Variants in SLC16A9 observed in about 807,000 individuals in gnomAD.
The protein encoded by SLC16A9 is solute carrier family 16 member 9, also known as monocarboxylate transporter 9.
In SLC16A9, 26 loss-of-function variants were observed where a neutral mutation model predicts 44.3. The ratio of observed to expected loss-of-function variants is 0.59; its 90% CI spans 0.43 to 0.81. The LOEUF is 0.81. SLC16A9 is among the 40% of genes least tolerant of loss of function. The pLI, the probability that SLC16A9 is intolerant of heterozygous loss-of-function variation, is 0.00. For missense variants in SLC16A9, 559 were observed against 595.8 expected, an observed-to-expected ratio of 0.94 and a Z score of 0.64; for synonymous variants, 230 against 225.1, an observed-to-expected ratio of 1.02 and a Z score of -0.19.
chr10:59,694,256 G>A lies in SLC16A9; in HGVS notation c.-36-9929C>T, dbSNP rs546515250. 1.8e-3 allele frequency among the ~76,000 whole-genome samples: 279 copies of A among 152,156 alleles called. 1 individual carries two copies. The highest frequency in any genetic ancestry group is 6.5e-3 in the African/African-American group (270 of 41,536). On this transcript the variant is annotated intron_variant, in intron 1 of 5. Coordinates refer to ENST00000395348, the MANE Select transcript of SLC16A9 (RefSeq NM_194298.3). ...GCCTGGCCTCCAAATAATAATTTTC[G>A]TACAACTGTAAATCCAGTTGTGGTG... is the stretch of plus-strand genomic sequence containing the variant.
intron 1 of SLC16A9, among the ~76,000 whole-genome samples, chr10:59,695,624 C>T (rs971381546): frequency 6.6e-6 from 1 of 152,122 alleles, no homozygotes; most frequent in Non-Finnish European, 1.5e-5. Flanking sequence ...AAATTTCTAA[C>T]CTAGTAACAG....
chr10:59,709,841 C>G lies in SLC16A9; in HGVS notation c.-399G>C, dbSNP rs1487549736. 1 of 152,520 alleles carries G rather than the reference C, an allele frequency of 6.6e-6. No individual in the cohort carries two copies. Among genetic ancestry groups the G allele is most frequent in the African/African-American group, 2.4e-5 (1 of 41,452 alleles). 9.4% of individuals were successfully genotyped at this position (152,520 alleles called of 1,614,324 possible). A position where few individuals can be genotyped will look rare whatever the true frequency, so the allele number is the denominator to read the frequency against. ...CCTTGTCTCTCTTTGCGGGGCACCC[C>G]GGCCAGTCTGAACCGGTTGTGACTG... On this transcript the variant is annotated 5_prime_UTR_variant, in exon 1 of 6. Coordinates refer to ENST00000395348, the MANE Select transcript of SLC16A9 (RefSeq NM_194298.3).
chr10:59,680,096 T>C (rs1245896474), intron 2 of SLC16A9, among the ~76,000 whole-genome samples: 1 of 152,180 alleles, frequency 6.6e-6, no homozygotes, highest in Non-Finnish European at 1.5e-5. Context: ...GGAATATATG[T>C]AATGAGGATG....
intron 1 of SLC16A9, among the ~76,000 whole-genome samples, chr10:59,707,722 A>G (rs1840677563): frequency 6.6e-6 from 1 of 152,114 alleles, no homozygotes; most frequent in Admixed American, 6.5e-5. Context: ...AATTTTTATT[A>G]CCTAATTAAT....
At chr10:59,660,132 A>T (rs1564696746) in intron 4 of SLC16A9, among the ~76,000 whole-genome samples, 1 of 152,128 alleles carries the variant, frequency 6.6e-6, no homozygotes, top group Non-Finnish European at 1.5e-5. Flanking sequence ...CTAGCATGAG[A>T]CAAGAAATAA....
intron 1 of SLC16A9, chr10:59,708,680 A>C (rs1840696529): frequency 6.6e-6 from 1 of 152,266 alleles, no homozygotes; most frequent in Non-Finnish European, 1.5e-5. Context: ...CTAGGCACCC[A>C]GAAAACAAGG....
chr10:59,690,427 A>G (rs1488428500), intron 1 of SLC16A9, among the ~76,000 whole-genome samples: 1 of 152,148 alleles, frequency 6.6e-6, no homozygotes, highest in Non-Finnish European at 1.5e-5. Context: ...AAGTGGATGG[A>G]TATTAAATGT....
intron 1 of SLC16A9, 147 bp downstream of exon 1, chr10:59,709,332 C>T (rs1171615): frequency 0.79 from 120,493 of 152,190 alleles, 47,940 homozygotes; most frequent in East Asian, 1. Context: ...GCCCCCGGCA[C>T]ACACCCCAGA....
intron 1 of SLC16A9, among the ~76,000 whole-genome samples, chr10:59,701,466 A>G (rs546838944): frequency 1.3e-5 from 2 of 152,198 alleles, no homozygotes; most frequent in Non-Finnish European, 2.9e-5. Context: ...AGCAGAGCAC[A>G]AGGTTTTATT....
intron 4 of SLC16A9, among the ~76,000 whole-genome samples, chr10:59,656,759 T>G (rs1217945949): frequency 6.6e-6 from 1 of 152,162 alleles, no homozygotes; most frequent in Admixed American, 6.6e-5. Flanking sequence ...TATCAACCCA[T>G]TACCTAGGAA....
chr10:59,651,389 T>A lies in SLC16A9; in HGVS notation c.*1383A>T, dbSNP rs961832416. ...TAAAATCCCCTGACCTCTTGGGTTTTAAAAAAATTATTATTTAAAAGAATA... is the reference window on the plus strand; with the variant it reads ...TAAAATCCCCTGACCTCTTGGGTTTAAAAAAAATTATTATTTAAAAGAATA... On this transcript the variant is annotated 3_prime_UTR_variant, in exon 6 of 6. Coordinates refer to ENST00000395348, the MANE Select transcript of SLC16A9 (RefSeq NM_194298.3). The A allele has an allele frequency of 3.9e-5, 6 of 152,166 alleles. No individual in the cohort carries two copies. Among genetic ancestry groups the A allele is most frequent in the Non-Finnish European group, 5.9e-5 (4 of 68,014 alleles). 9.4% of individuals were successfully genotyped at this position (152,166 alleles called of 1,614,324 possible).
rs747303668 is a variant in SLC16A9 at position 59,684,275 on chromosome 10, G to A, written c.17C>T (p.Ser6Leu). Residue 6 changes from serine (S) to leucine (L), a missense_variant, in exon 2 of 6, where the codon TCG becomes TTG. Ser to Leu is a moderately radical substitution (Grantham distance 145). Coordinates refer to ENST00000395348, the MANE Select transcript of SLC16A9 (RefSeq NM_194298.3). ...CACCCAGCCCCATCCACCGTCAGGC[G>A]ACTTTTTAAGTTCCATTGTAAGACA... MELKKSPDGGWGWVIV... is the reference protein window; with the variant it reads MELKKLPDGGWGWVIV... The A allele has an allele frequency of 1.5e-5, 24 of 1,612,490 alleles. No individual in the cohort carries two copies. The highest frequency in any genetic ancestry group is 3.3e-4 in the Middle Eastern group (2 of 6,004).
rs1554874650 is a variant in SLC16A9 at position 59,697,976 on chromosome 10, A to AC, written c.-37+11502_-37+11503insG. ...TGGGCACACAGTAAAAAAAAAAACA[A>AC]AAAACAAAACAAAACAAAAAACCCT... On this transcript the variant is annotated intron_variant, in intron 1 of 5. Coordinates refer to ENST00000395348, the MANE Select transcript of SLC16A9 (RefSeq NM_194298.3). Among the ~76,000 whole-genome samples, 5 of 150,210 alleles carry AC rather than the reference A, an allele frequency of 3.3e-5. 1 individual carries two copies. Among genetic ancestry groups the AC allele is most frequent in the African/African-American group, 7.3e-5 (3 of 41,138 alleles).
intron 1 of SLC16A9, among the ~76,000 whole-genome samples, chr10:59,693,206 A>G (rs1422671500): frequency 6.6e-6 from 1 of 152,230 alleles, no homozygotes; most frequent in East Asian, 1.9e-4. Context: ...ACAGAACTTT[A>G]AAGTAAGTCT....
intron 1 of SLC16A9, among the ~76,000 whole-genome samples, chr10:59,692,196 G>C (rs768187762): frequency 3.3e-4 from 50 of 152,284 alleles, no homozygotes; most frequent in Middle Eastern, 3.4e-3. Flanking sequence ...GGAAAAAAAT[G>C]GTTGATTCCA....
intron 4 of SLC16A9, among the ~76,000 whole-genome samples, chr10:59,657,177 T>C (rs1839367814): frequency 6.6e-6 from 1 of 152,228 alleles, no homozygotes; most frequent in South Asian, 2.1e-4. Context: ...GCACATAATT[T>C]TCACGTATTA....
chr10:59,669,938 A>C (rs1436440823), intron 3 of SLC16A9, among the ~76,000 whole-genome samples: 1 of 152,240 alleles, frequency 6.6e-6, no homozygotes, highest in African/African-American at 2.4e-5. Context: ...AGCTACAAAA[A>C]CCTAACAAAA....
chr10:59,678,783 TCCACCCG>T (rs1358995033), intron 2 of SLC16A9, among the ~76,000 whole-genome samples: 1 of 150,612 alleles, frequency 6.6e-6, no homozygotes, highest in East Asian at 2.0e-4. Context: ...GACCTCATGA[TCCACCCG>T]CCTCGGCCTC....
intron 4 of SLC16A9, among the ~76,000 whole-genome samples, chr10:59,661,143 G>C (rs1436650344): frequency 6.6e-6 from 1 of 152,210 alleles, no homozygotes; most frequent in African/African-American, 2.4e-5. Flanking sequence ...AGTATTGGAA[G>C]TTCTTGCCAG....
Sources: gnomAD v4.1 joint callset for allele counts (sites outside exome capture counted in the v4.1 genomes callset) on GRCh38, gnomAD v4.1.1 for gene constraint, MANE v1.5 for transcripts, NCBI Gene and HGNC (gene_info 2026-07-23, HGNC 2026-07-21) for gene names.